The following FER1L6 variants were observed in gnomAD, a reference collection of about 807,000 sequenced individuals.
FER1L6 encodes the protein fer-1-like protein 6.
Under a neutral mutation model 219.2 loss-of-function variants are expected in FER1L6, and 177 were observed. The ratio of observed to expected loss-of-function variants is 0.81; its 90% CI spans 0.71 to 0.91. The LOEUF (loss-of-function observed/expected upper bound fraction) is 0.91, where lower values mean the gene tolerates loss of function less well. Ranked by LOEUF, FER1L6 falls within the 40% of genes least tolerant of loss-of-function variation. The pLI, the probability that FER1L6 is intolerant of heterozygous loss-of-function variation, is 0.00. For synonymous variants in FER1L6, 768 were observed against 824.3 expected, an observed-to-expected ratio of 0.93 and a Z score of 1.17; for missense variants, 2,153 against 2,259.9, an observed-to-expected ratio of 0.95 and a Z score of 0.96.
At chr8:123,992,395 C>T (rs964887888) in intron 12 of FER1L6, among the ~76,000 whole-genome samples, 1 of 152,002 alleles carries the variant, frequency 6.6e-6, no homozygotes, top group African/African-American at 2.4e-5. Context: ...TGTTATTGGT[C>T]TCTTCAGGGT....
At chr8:124,006,612 T>C (rs541437495) in intron 13 of FER1L6, among the ~76,000 whole-genome samples, 2 of 152,234 alleles carry the variant, frequency 1.3e-5, no homozygotes, top group African/African-American at 2.4e-5. Context: ...GCAAAGCACA[T>C]GCATTCACAT....
chr8:123,941,292 C>T (rs147129611), intron 1 of FER1L6, among the ~76,000 whole-genome samples: 84 of 152,274 alleles, frequency 5.5e-4, no homozygotes, highest in African/African-American at 1.9e-3. Context: ...GGGGAAAGCA[C>T]AGAGGTCAGG....
intron 1 of FER1L6, among the ~76,000 whole-genome samples, chr8:123,877,889 G>C (rs940386694): frequency 6.6e-6 from 1 of 151,998 alleles, no homozygotes; most frequent in African/African-American, 2.4e-5. Context: ...AAATTATTGC[G>C]GTTCTTTACT....
At chr8:123,930,754 G>A (rs1265016233) in intron 1 of FER1L6, among the ~76,000 whole-genome samples, 3 of 152,216 alleles carry the variant, frequency 2.0e-5, no homozygotes, top group African/African-American at 7.2e-5. Flanking sequence ...GCTGGTGCAT[G>A]TACAACACTG....
intron 39 of FER1L6, among the ~76,000 whole-genome samples, chr8:124,114,360 T>G (rs1823145097): frequency 1.3e-5 from 2 of 152,208 alleles, no homozygotes; most frequent in Admixed American, 1.3e-4. Context: ...CACTATAGAT[T>G]CATGGATTTT....
At chr8:124,033,931 C>T (rs1819086884) in intron 18 of FER1L6, among the ~76,000 whole-genome samples, 1 of 152,104 alleles carries the variant, frequency 6.6e-6, no homozygotes, top group Admixed American at 6.6e-5. Flanking sequence ...AGTCTTCTGG[C>T]CCCACTCCCT....
Position 124,070,600 on chromosome 8 carries a change from C to A in FER1L6, c.3966+2C>A. The A allele has an allele frequency of 6.3e-7, 1 of 1,575,800 alleles. No individual in the cohort carries two copies. Among genetic ancestry groups the A allele is most frequent in the Non-Finnish European group, 8.6e-7 (1 of 1,165,540 alleles). Reference sequence around the variant, plus strand: ...GACCGAGTCATAGGAAAATTTAAGGCAGGTTCCATTTTTAATCCTTTTATT... The same window carrying A: ...GACCGAGTCATAGGAAAATTTAAGGAAGGTTCCATTTTTAATCCTTTTATT... On this transcript the variant is annotated splice_donor_variant, in intron 30 of 40. Transcript: ENST00000522917. LOFTEE classifies it high-confidence loss of function.
intron 1 of FER1L6, among the ~76,000 whole-genome samples, chr8:123,901,680 A>G (rs747050852): frequency 6.0e-5 from 9 of 150,478 alleles, no homozygotes; most frequent in Admixed American, 1.3e-4. Flanking sequence ...GCCGTATCCC[A>G]GAGGTTTTGG....
At chr8:124,004,523 A>G (rs1817571508) in intron 13 of FER1L6, among the ~76,000 whole-genome samples, 1 of 151,886 alleles carries the variant, frequency 6.6e-6, no homozygotes, top group Admixed American at 6.6e-5. Flanking sequence ...GATAACAGGG[A>G]CTCCCAAATC....
At chr8:124,039,317 T>G (rs560731824) in intron 19 of FER1L6, among the ~76,000 whole-genome samples, 1 of 152,134 alleles carries the variant, frequency 6.6e-6, no homozygotes, top group South Asian at 2.1e-4. Context: ...GGAAAATGAG[T>G]CAATGGATGA....
intron 32 of FER1L6, among the ~76,000 whole-genome samples, chr8:124,077,598 T>C (rs924638252): frequency 5.9e-5 from 9 of 152,200 alleles, no homozygotes; most frequent in East Asian, 1.9e-4. Context: ...CTGCCACTTA[T>C]GTAACTAGTG....
chr8:123,937,071 A>G (rs545482015), intron 1 of FER1L6, among the ~76,000 whole-genome samples: 1 of 152,198 alleles, frequency 6.6e-6, no homozygotes, highest in Admixed American at 6.5e-5. Flanking sequence ...ATGCCCGGCT[A>G]ATTTTTGTAT....
At chr8:123,857,645 C>T (rs186351907) in intron 1 of FER1L6, among the ~76,000 whole-genome samples, 9 of 152,262 alleles carry the variant, frequency 5.9e-5, no homozygotes. Context: ...CCTCCTGTTC[C>T]TGGCTCTTAC....
intron 39 of FER1L6, among the ~76,000 whole-genome samples, chr8:124,114,839 T>C (rs1823167838): frequency 6.7e-6 from 1 of 148,906 alleles, no homozygotes; most frequent in African/African-American, 2.5e-5. Flanking sequence ...TGTATGTGGA[T>C]GTAACTATAT....
intron 3 of FER1L6, 142 bp downstream of exon 3, chr8:123,963,540 G>A (rs746717171): frequency 2.3e-6 from 2 of 869,614 alleles, no homozygotes; most frequent in South Asian, 1.7e-5. Context: ...CAGGAAGACT[G>A]TGTCAGCTCA....
rs774609218 is a variant in FER1L6 at position 123,975,239 on chromosome 8, GT to G, written c.617del (p.Val206AlafsTer8). ...GGGGTACCTGAAATGTGACATCAGT[GT>G]CATGGGAAAAGGTGATGTCTTGAAG... ...TKGYLKCDISVMGKGDVLKTS... is the reference protein window; with the variant it reads ...TKGYLKCDISXMGKGDVLKTS... On this transcript the variant is annotated frameshift_variant, in exon 8 of 41. Coordinates refer to ENST00000522917, the MANE Select transcript of FER1L6 (RefSeq NM_001039112.2). LOFTEE classifies it high-confidence loss of function. 1 of 1,613,338 alleles carries G rather than the reference GT, an allele frequency of 6.2e-7. No homozygotes were observed.
chr8:124,106,014 G>C (rs1238061004), intron 39 of FER1L6, among the ~76,000 whole-genome samples: 4 of 152,086 alleles, frequency 2.6e-5, no homozygotes, highest in Non-Finnish European at 4.4e-5. Flanking sequence ...AGGGGAATGG[G>C]GAGCAACTGG....
intron 2 of FER1L6, among the ~76,000 whole-genome samples, chr8:123,960,708 C>CTT (rs60123524): frequency 1.3e-5 from 2 of 149,344 alleles, no homozygotes; most frequent in African/African-American, 4.9e-5. Context: ...ACATTGCCAC[C>CTT]TTTTTTTTTT....
chr8:124,087,633 G>A (rs1821839157), intron 33 of FER1L6, among the ~76,000 whole-genome samples: 1 of 152,086 alleles, frequency 6.6e-6, no homozygotes, highest in African/African-American at 2.4e-5. Flanking sequence ...TGATGCTTGT[G>A]GATGTTCATC....
Sources: allele counts gnomAD v4.1 joint callset (sites outside exome capture counted in the v4.1 genomes callset), GRCh38; gene constraint gnomAD v4.1.1; transcripts MANE v1.5; gene names NCBI Gene and HGNC (gene_info 2026-07-23, HGNC 2026-07-21).